Variants in FOCAD observed in about 807,000 individuals in gnomAD.
The protein encoded by FOCAD is focadhesin, also known as KIAA1797.
In FOCAD, 198 loss-of-function variants were observed where a neutral mutation model predicts 225.6. The observed-to-expected ratio is 0.88, with a 90% CI of 0.78 to 0.99. The LOEUF is 0.99. Ranked by LOEUF, FOCAD falls within the 50% of genes least tolerant of loss-of-function variation. FOCAD has a pLI of 0.00. For missense variants in FOCAD, 2,713 were observed against 2,123.6 expected (o/e 1.28, Z -5.46); for synonymous variants, 897 against 755.0 (o/e 1.19, Z -3.08).
At chr9:20,788,459 T>G (rs911182607) in intron 10 of FOCAD, among the ~76,000 whole-genome samples, 3 of 152,222 alleles carry the variant, frequency 2.0e-5, no homozygotes, top group Non-Finnish European at 1.5e-5. Flanking sequence ...TTTTATAGTA[T>G]GCAAATTATA....
At chr9:20,962,171 G>T (rs1222224370) in intron 35 of FOCAD, among the ~76,000 whole-genome samples, 1 of 152,008 alleles carries the variant, frequency 6.6e-6, no homozygotes, top group African/African-American at 2.4e-5. Context: ...GATTAAGTTA[G>T]ATTACTTATG....
At chr9:20,672,304 A>G (rs918605325) in intron 2 of FOCAD, among the ~76,000 whole-genome samples, 4 of 152,358 alleles carry the variant, frequency 2.6e-5, no homozygotes, top group African/African-American at 9.6e-5. Flanking sequence ...AAAGTTTTCC[A>G]TTGAAAATTA....
At chr9:20,722,542 C>T (rs1467312326) in intron 4 of FOCAD, among the ~76,000 whole-genome samples, 1 of 152,224 alleles carries the variant, frequency 6.6e-6, no homozygotes, top group African/African-American at 2.4e-5. Context: ...TGGTATCTGG[C>T]ACTCTCTCTG....
At chr9:20,852,524 T>A (rs1827767694) in intron 15 of FOCAD, among the ~76,000 whole-genome samples, 1 of 151,812 alleles carries the variant, frequency 6.6e-6, no homozygotes, top group African/African-American at 2.4e-5. Flanking sequence ...AATCAGGTTA[T>A]GTTTCAGGAA....
chr9:20,770,339 G>T (rs903362314), intron 8 of FOCAD, 101 bp downstream of exon 8: 9 of 1,108,068 alleles, frequency 8.1e-6, no homozygotes, highest in Non-Finnish European at 1.2e-5. Context: ...CTTACAGTCT[G>T]GCAGGCTGTA....
At chr9:20,658,633 C>A (rs1022339525) in intron 1 of FOCAD, 3 of 153,670 alleles carry the variant, frequency 2.0e-5, no homozygotes, top group East Asian at 3.8e-4. Flanking sequence ...CGCCCTGCTT[C>A]GGCTCGCGCA....
chr9:20,790,009 A>G (rs540748273), intron 11 of FOCAD, among the ~76,000 whole-genome samples: 1 of 152,332 alleles, frequency 6.6e-6, no homozygotes, highest in Non-Finnish European at 1.5e-5. Context: ...AGCCTATACA[A>G]TAGACATTAA....
chr9:20,821,626 A>G (rs1824333856), intron 14 of FOCAD, among the ~76,000 whole-genome samples: 1 of 152,106 alleles, frequency 6.6e-6, no homozygotes, highest in Non-Finnish European at 1.5e-5. Context: ...GGTGGAGGTG[A>G]CAAGACTGAA....
intron 35 of FOCAD, among the ~76,000 whole-genome samples, chr9:20,975,351 G>A (rs1172938289): frequency 6.6e-6 from 1 of 152,064 alleles, no homozygotes; most frequent in Non-Finnish European, 1.5e-5. Flanking sequence ...TAAAGTAATG[G>A]TACTATGTCA....
At chr9:20,778,070 A>G (rs1257584831) in intron 8 of FOCAD, among the ~76,000 whole-genome samples, 1 of 135,980 alleles carries the variant, frequency 7.4e-6, no homozygotes, top group Non-Finnish European at 1.5e-5. Context: ...CGCCTGGGCG[A>G]CAGAACGAGA....
At chr9:20,913,173 C>G (rs1050600645) in intron 23 of FOCAD, among the ~76,000 whole-genome samples, 31 of 151,790 alleles carry the variant, frequency 2.0e-4, no homozygotes, top group African/African-American at 6.5e-4. Flanking sequence ...CACACACACA[C>G]ACACACACAC....
chr9:20,782,022 T>A, intron 10 of FOCAD, 93 bp downstream of exon 10: 1 of 1,081,066 alleles, frequency 9.3e-7, no homozygotes, highest in Non-Finnish European at 1.4e-6. Context: ...AGCATCTGTT[T>A]GTTATCAGAC....
chr9:20,866,901 T>TTTTTTTTTTTTTTTTTTTTTC, intron 17 of FOCAD, 28 bp from the exon 18 acceptor site: 1 of 763,718 alleles, frequency 1.3e-6, no homozygotes. Context: ...TTTTTTTTTT[T>TTTTTTTTTTTTTTTTTTTTTC]TTTTTTTTTT....
intron 1 of FOCAD, among the ~76,000 whole-genome samples, chr9:20,692,055 A>G (rs1823012308): frequency 1.3e-5 from 2 of 152,176 alleles, no homozygotes; most frequent in Non-Finnish European, 1.5e-5. Context: ...TGGCCTAAGT[A>G]TTAGCTTTAA....
In FOCAD at chr9:20,918,648, C is replaced by T. The variant is rs939345488; in HGVS notation, c.2852+1711C>T. 2.0e-5 allele frequency among the ~76,000 whole-genome samples: 3 copies of T among 151,088 alleles called. No homozygotes were observed. The South Asian group carries it at 6.3e-4, about 32-fold the overall frequency. ...CTGAGGCAGGAGAATGGCGTGAACC[C>T]GGGAGGCGGAGCTTGCAGTGAGCAG... is the stretch of plus-strand genomic sequence containing the variant. On this transcript the variant is annotated intron_variant, in intron 24 of 43. Transcript: ENST00000338382.
rs1465403655 is a variant in FOCAD at position 20,725,892 on chromosome 9, A to G, written c.287+5358A>G. Reference sequence around the variant, plus strand: ...TTCAAAGCTGAGGCAACATGAAACAATTGTAAACTCGTTTTTATAGCTTCT... The same window carrying G: ...TTCAAAGCTGAGGCAACATGAAACAGTTGTAAACTCGTTTTTATAGCTTCT... On this transcript the variant is annotated intron_variant, in intron 4 of 43. Coordinates refer to ENST00000338382, the MANE Select transcript of FOCAD (RefSeq NM_001375567.1). Among the ~76,000 whole-genome samples the G allele has an allele frequency of 2.6e-5, 4 of 152,318 alleles. No individual in the cohort carries two copies. In the East Asian group the frequency reaches 7.7e-4, roughly 29 times the overall value.
intron 4 of FOCAD, among the ~76,000 whole-genome samples, chr9:20,739,664 T>A (rs1827444957): frequency 6.6e-6 from 1 of 152,164 alleles, no homozygotes; most frequent in South Asian, 2.1e-4. Context: ...TTTCTAAGAT[T>A]TTCTTTATAT....
chr9:20,658,103 C>G (rs1821567607), upstream of FOCAD, among the ~76,000 whole-genome samples: 3 of 150,614 alleles, frequency 2.0e-5, no homozygotes, highest in South Asian at 6.4e-4. Flanking sequence ...GGTCAGGGGT[C>G]AGGGACCCAC....
At chr9:20,837,866 T>A (rs1826147609) in intron 15 of FOCAD, among the ~76,000 whole-genome samples, 1 of 152,034 alleles carries the variant, frequency 6.6e-6, no homozygotes, top group Non-Finnish European at 1.5e-5. Context: ...ATAAAATAAC[T>A]AAGAGACTCA....
Sources: gnomAD v4.1 joint callset for allele counts (sites outside exome capture counted in the v4.1 genomes callset) on GRCh38, gnomAD v4.1.1 for gene constraint, MANE v1.5 for transcripts, NCBI Gene and HGNC (gene_info 2026-07-23, HGNC 2026-07-21) for gene names.